Variants in MLLT3 observed in about 807,000 individuals in gnomAD.
The protein encoded by MLLT3 is MLLT3 super elongation complex subunit, also known as protein AF-9.
A neutral mutation model predicts 53.2 loss-of-function variants in MLLT3; 4 were observed. The observed-to-expected ratio is 0.08, with a 90% confidence interval of 0.04 to 0.17. The LOEUF (loss-of-function observed/expected upper bound fraction) is 0.17. Among genes scored for constraint, MLLT3 ranks in the 10% least tolerant of loss-of-function variants. MLLT3 has a pLI of 1.00. For synonymous variants in MLLT3, 283 were observed against 230.6 expected, an observed-to-expected ratio of 1.23 and a Z score of -2.06; for missense variants, 569 against 684.0, an observed-to-expected ratio of 0.83 and a Z score of 1.87.
At chr9:20,605,804 T>C (rs569442767) in intron 2 of MLLT3, among the ~76,000 whole-genome samples, 3 of 152,228 alleles carry the variant, frequency 2.0e-5, no homozygotes, top group African/African-American at 7.2e-5. Flanking sequence ...ATGAGTCCTA[T>C]ATCATCATTT....
At chr9:20,358,014 C>T (rs1278486894) in intron 8 of MLLT3, among the ~76,000 whole-genome samples, 1 of 150,514 alleles carries the variant, frequency 6.6e-6, no homozygotes, top group African/African-American at 2.4e-5. Flanking sequence ...CACACACACA[C>T]ATTCAAATAC....
chr9:20,534,951 G>A (rs1166821732), intron 2 of MLLT3, among the ~76,000 whole-genome samples: 1 of 151,826 alleles, frequency 6.6e-6, no homozygotes. Flanking sequence ...AAATAGATTA[G>A]GAACCAAAGA....
chr9:20,507,314 A>G (rs992531525), intron 2 of MLLT3, among the ~76,000 whole-genome samples: 46 of 152,294 alleles, frequency 3.0e-4, no homozygotes, highest in African/African-American at 1.1e-3. Context: ...TCTTACTTAC[A>G]AGGCACCAAA....
At chr9:20,612,907 G>A (rs1015202435) in intron 2 of MLLT3, among the ~76,000 whole-genome samples, 10 of 152,110 alleles carry the variant, frequency 6.6e-5, no homozygotes, top group African/African-American at 1.7e-4. Context: ...GAAGACACAC[G>A]TGCCCACAAC....
intron 2 of MLLT3, among the ~76,000 whole-genome samples, chr9:20,490,434 T>A (rs1824919742): frequency 6.6e-6 from 1 of 152,210 alleles, no homozygotes; most frequent in African/African-American, 2.4e-5. Flanking sequence ...AGGGCCCACA[T>A]TCAAGGACTG....
chr9:20,584,911 T>C (rs1212815831), intron 2 of MLLT3, among the ~76,000 whole-genome samples: 1 of 152,234 alleles, frequency 6.6e-6, no homozygotes, highest in Non-Finnish European at 1.5e-5. Flanking sequence ...ATTTACCTAT[T>C]GAAGGACATC....
intron 4 of MLLT3, among the ~76,000 whole-genome samples, chr9:20,444,570 C>T (rs961793871): frequency 2.0e-5 from 3 of 152,092 alleles, no homozygotes; most frequent in Admixed American, 6.6e-5. Flanking sequence ...CCCTCTTTCT[C>T]TTACTTAAAG....
chr9:20,580,949 T>C lies in MLLT3; in HGVS notation c.193+39705A>G, dbSNP rs1303718001. Among the ~76,000 whole-genome samples the C allele has an allele frequency of 5.3e-5, 8 of 152,316 alleles. No homozygotes were observed. In the East Asian group the frequency reaches 1.3e-3, roughly 26 times the overall value. ...ATATTTTGTTTTTAAACCTACATTA[T>C]ATTCCAAACAAGCAATGCATGCCAA... On this transcript the variant is annotated intron_variant, in intron 2 of 10. Coordinates refer to ENST00000380338, the MANE Select transcript of MLLT3 (RefSeq NM_004529.4).
intron 10 of MLLT3, among the ~76,000 whole-genome samples, chr9:20,347,701 C>T (rs1382346628): frequency 6.6e-6 from 1 of 152,052 alleles, no homozygotes; most frequent in Non-Finnish European, 1.5e-5. Flanking sequence ...AGTATCAGGG[C>T]AATAAAAGAA....
chr9:20,526,036 A>G (rs1437492204), intron 2 of MLLT3, among the ~76,000 whole-genome samples: 1 of 152,212 alleles, frequency 6.6e-6, no homozygotes, highest in Non-Finnish European at 1.5e-5. Flanking sequence ...ATGTATGTTC[A>G]AGATCAGAAA....
chr9:20,411,100 A>G (rs1206297640), intron 5 of MLLT3: 1 of 152,280 alleles, frequency 6.6e-6, no homozygotes, highest in Non-Finnish European at 1.5e-5. Context: ...GTGCACAGTC[A>G]CCCCTGAAGT....
chr9:20,423,680 G>A (rs1418388314), intron 4 of MLLT3, among the ~76,000 whole-genome samples: 1 of 151,786 alleles, frequency 6.6e-6, no homozygotes, highest in East Asian at 1.9e-4. Context: ...CAGGCGTAGT[G>A]GCATGTGCCT....
At chr9:20,444,839 T>G (rs1586953829) in intron 4 of MLLT3, among the ~76,000 whole-genome samples, 1 of 152,152 alleles carries the variant, frequency 6.6e-6, no homozygotes. Context: ...ACCACTGCAC[T>G]CCAGCCTGGG....
intron 5 of MLLT3, among the ~76,000 whole-genome samples, chr9:20,391,453 A>G (rs1822177754): frequency 6.6e-6 from 1 of 152,138 alleles, no homozygotes; most frequent in African/African-American, 2.4e-5. Flanking sequence ...TGACAGTATG[A>G]GGGAATTATT....
chr9:20,546,221 A>G lies in MLLT3; in HGVS notation c.193+74433T>C, dbSNP rs532282654. ...ACAGATTGTAAAAAGAGAGAATACAATGTTGCTTGATACAAATATAACACA... is the reference window on the plus strand; with the variant it reads ...ACAGATTGTAAAAAGAGAGAATACAGTGTTGCTTGATACAAATATAACACA... On this transcript the variant is annotated intron_variant, in intron 2 of 10. Transcript: ENST00000380338. Among the ~76,000 whole-genome samples the G allele has an allele frequency of 1.1e-4, 16 of 151,186 alleles. No individual in the cohort carries two copies. The East Asian group carries it at 3.1e-3, about 30-fold the overall frequency.
chr9:20,489,415 C>T (rs1436656795), intron 2 of MLLT3, among the ~76,000 whole-genome samples: 1 of 152,092 alleles, frequency 6.6e-6, no homozygotes, highest in Non-Finnish European at 1.5e-5. Flanking sequence ...ATATGTCTAA[C>T]AAAATCATTA....
chr9:20,486,957 A>G (rs750518895), intron 2 of MLLT3, among the ~76,000 whole-genome samples: 22 of 152,286 alleles, frequency 1.4e-4, no homozygotes, highest in Non-Finnish European at 2.8e-4. Flanking sequence ...ACATTTTATA[A>G]TAATAAAATC....
At chr9:20,566,546 C>T (rs182299825) in intron 2 of MLLT3, among the ~76,000 whole-genome samples, 45 of 152,202 alleles carry the variant, frequency 3.0e-4, no homozygotes, top group Admixed American at 2.6e-3. Context: ...ACATGCTTAT[C>T]AGTTTACAGA....
intron 2 of MLLT3, among the ~76,000 whole-genome samples, chr9:20,597,288 A>T (rs1292763148): frequency 1.3e-5 from 2 of 151,940 alleles, no homozygotes; most frequent in African/African-American, 4.8e-5. Context: ...TTATTTATCT[A>T]GGGCCTTACA....
Sources: allele counts gnomAD v4.1 joint callset (sites outside exome capture counted in the v4.1 genomes callset), GRCh38; gene constraint gnomAD v4.1.1; transcripts MANE v1.5; gene names NCBI Gene and HGNC (gene_info 2026-07-23, HGNC 2026-07-21).